Variants in TMEM169 observed in about 807,000 individuals in gnomAD.
The protein encoded by TMEM169 is transmembrane protein 169.
In TMEM169, 18 loss-of-function variants were observed where a neutral mutation model predicts 27.3. The ratio of observed to expected loss-of-function variants is 0.66; its 90% CI spans 0.46 to 0.98. TMEM169 has a LOEUF of 0.98. TMEM169 is among the 50% of genes least tolerant of loss of function. The pLI, the probability that TMEM169 is intolerant of heterozygous loss-of-function variation, is 0.00. For missense variants in TMEM169, 320 were observed against 368.6 expected (o/e 0.87, Z 1.08); for synonymous variants, 136 against 142.1 (o/e 0.96, Z 0.30).
chr2:216,085,882 AAC>A (rs1216613527), intron 1 of TMEM169, among the ~76,000 whole-genome samples: 1 of 151,914 alleles, frequency 6.6e-6, no homozygotes, highest in Non-Finnish European at 1.5e-5. Context: ...AAAAAAAAAA[AAC>A]AAAAACAAAA....
chr2:216,099,843 C>G lies in TMEM169; in HGVS notation c.272-77C>G. The G allele has an allele frequency of 6.5e-7, 1 of 1,536,158 alleles. No homozygotes were observed. Among genetic ancestry groups the G allele is most frequent in the Non-Finnish European group, 8.7e-7 (1 of 1,146,070 alleles). ...AAAAGGCTACTCTTGTCCTCATGCC[C>G]AGCCTGGGAGGGTGCAACATGGAGA... On this transcript the variant is annotated intron_variant, in intron 2 of 2. Transcript: ENST00000437356. The surrounding 1 kb of genome is among the most constrained non-coding windows in gnomAD (Gnocchi z 5.0).
At position 216,096,110 on chromosome 2, in the gene TMEM169, A is replaced by G. The variant is rs748481236; in HGVS notation, c.147A>G (p.Pro49=). Residue 49 remains proline, a synonymous_variant, in exon 2 of 3, where the codon CCA becomes CCG. Transcript: ENST00000437356. ...HRKKKRKESR[P]ESIIIYRSDN... is the part of the protein sequence containing the mutation. ...AAAAGAAGAGGAAAGAGTCACGCCC[A>G]GAATCCATCATCATCTACCGCTCAG... The G allele has an allele frequency of 1.9e-6, 3 of 1,614,222 alleles. No homozygotes were observed. Among genetic ancestry groups the G allele is most frequent in the East Asian group, 4.5e-5 (2 of 44,876 alleles).
chr2:216,091,161 G>A (rs1011955163), intron 1 of TMEM169, among the ~76,000 whole-genome samples: 3 of 152,154 alleles, frequency 2.0e-5, no homozygotes, highest in Non-Finnish European at 4.4e-5. Flanking sequence ...GGTATGGTTT[G>A]TTTTCCCCCC....
intron 1 of TMEM169, among the ~76,000 whole-genome samples, chr2:216,093,349 A>T (rs1228692396): frequency 6.6e-6 from 1 of 152,062 alleles, no homozygotes; most frequent in Non-Finnish European, 1.5e-5. Flanking sequence ...GGAGCTATTT[A>T]CCTTGGGAGG....
At chr2:216,093,801 GA>G (rs34664739) in intron 1 of TMEM169, among the ~76,000 whole-genome samples, 83,179 of 151,372 alleles carry the variant, frequency 0.55, 23,322 homozygotes, top group East Asian at 0.78. Context: ...ATTGAAATGA[GA>G]AAAAAAAATA....
rs936957866 is a variant in TMEM169, at chr2:216,101,698, G to T, written c.*1156G>T. The T allele has an allele frequency of 6.6e-6, 1 of 152,016 alleles. No individual in the cohort carries two copies. Among genetic ancestry groups the T allele is most frequent in the Non-Finnish European group, 1.5e-5 (1 of 68,018 alleles). The allele number at this position is 152,016 out of a possible 1,614,324, so 9.4% of individuals were successfully genotyped here. On this transcript the variant is annotated 3_prime_UTR_variant, in exon 3 of 3. Coordinates refer to ENST00000437356, the MANE Select transcript of TMEM169 (RefSeq NM_001142311.2). ...GGGGTTTCACCATGTGCCCAGGCTG[G>T]TCTTGAACTCCTGACCTCAGGTGAT...
intron 2 of TMEM169, 91 bp downstream of exon 2, chr2:216,096,325 T>A: frequency 7.1e-7 from 1 of 1,403,930 alleles, no homozygotes; most frequent in East Asian, 2.3e-5. Context: ...CACTGTCCTA[T>A]TTCTTCTTGG....
At position 216,099,917 on chromosome 2, in the gene TMEM169, C is replaced by A; in HGVS notation, c.272-3C>A. The A allele has an allele frequency of 6.2e-7, 1 of 1,609,028 alleles. No individual in the cohort carries two copies. The highest frequency in any genetic ancestry group is 1.7e-4 in the Middle Eastern group (1 of 5,928). On this transcript the variant is annotated splice_region_variant and splice_polypyrimidine_tract_variant and intron_variant, in intron 2 of 2. Transcript: ENST00000437356. This position sits in a 1 kb window ranked among gnomAD's most constrained non-coding sequence, Gnocchi z 5.0. ...TGACTCTCACCTCCTTTGTACCCTGCAGATATGTGGAACCTGCCTCTGGAC... is the reference window on the plus strand; with the variant it reads ...TGACTCTCACCTCCTTTGTACCCTGAAGATATGTGGAACCTGCCTCTGGAC...
In TMEM169 at chr2:216,100,305, G is replaced by A. The variant is rs1316671347; in HGVS notation, c.657G>A (p.Met219Ile). Residue 219 changes from methionine to isoleucine, a missense_variant, in exon 3 of 3, where the codon ATG becomes ATA. By Grantham distance (10) the Met-to-Ile change is conservative. Transcript: ENST00000437356. The stretch of plus-strand genomic sequence containing the variant: ...TTCTCTTCTATCCAGTGCTCATCAT[G>A]GCCATGGCTTCTTCCCTCGGCCTCT... ...CLVLFYPVLIMAMASSLGLYA... is the reference protein window; with the variant it reads ...CLVLFYPVLIIAMASSLGLYA... 5 of 1,613,824 alleles carry A rather than the reference G, an allele frequency of 3.1e-6. No individual in the cohort carries two copies.
chr2:216,100,558 C>T lies in TMEM169; in HGVS notation c.*16C>T. 1 of 1,613,926 alleles carries T rather than the reference C, an allele frequency of 6.2e-7. No homozygotes were observed. The highest frequency in any genetic ancestry group is 1.1e-5 in the South Asian group (1 of 91,086). Reference sequence around the variant, plus strand: ...CACGGTCTAAACTCCCAACAACTTACTCCCTCCTCTGGCCCCAGTAGCCTA... The same window carrying T: ...CACGGTCTAAACTCCCAACAACTTATTCCCTCCTCTGGCCCCAGTAGCCTA... On this transcript the variant is annotated 3_prime_UTR_variant, in exon 3 of 3. Coordinates refer to ENST00000437356, the MANE Select transcript of TMEM169 (RefSeq NM_001142311.2).
In TMEM169 at chr2:216,102,425, TA is replaced by T. The variant is rs1358956067; in HGVS notation, c.*1885del. 3.3e-5 allele frequency: 5 copies of T among 152,566 alleles called. No homozygotes were observed. The highest frequency in any genetic ancestry group is 1.2e-4 in the African/African-American group (5 of 41,524). 9.5% of individuals were successfully genotyped at this position (152,566 alleles called of 1,614,324 possible). A position where few individuals can be genotyped will look rare whatever the true frequency, so the allele number is the denominator to read the frequency against. On this transcript the variant is annotated 3_prime_UTR_variant, in exon 3 of 3. Coordinates refer to ENST00000437356, the MANE Select transcript of TMEM169 (RefSeq NM_001142311.2). ...CTTCTAATTTCAAAATATCAACTCC[TA>T]AGAGGTCAGCAGAATTTGGAGATTT... is the stretch of plus-strand genomic sequence containing the variant.
rs1430569105 is a variant in TMEM169, at chr2:216,101,835, C to A, written c.*1293C>A. The stretch of plus-strand genomic sequence containing the variant: ...ATCATTTAAATACATTCAGAACCCC[C>A]AAACTGCTAATATGGTTTTATTTAT... On this transcript the variant is annotated 3_prime_UTR_variant, in exon 3 of 3. Transcript: ENST00000437356. 6.6e-6 allele frequency: 1 copy of A among 152,142 alleles called. No homozygotes were observed. Among genetic ancestry groups the A allele is most frequent in the Non-Finnish European group, 1.5e-5 (1 of 68,036 alleles). 9.4% of individuals were successfully genotyped at this position (152,142 alleles called of 1,614,324 possible). A position where few individuals can be genotyped will look rare whatever the true frequency, so the allele number is the denominator to read the frequency against.
At position 216,101,888 on chromosome 2, in the gene TMEM169, T is replaced by C. The variant is rs1158275492; in HGVS notation, c.*1346T>C. 2 of 152,106 alleles carry C rather than the reference T, an allele frequency of 1.3e-5. No homozygotes were observed. Among genetic ancestry groups the C allele is most frequent in the Admixed American group, 6.5e-5 (1 of 15,276 alleles). 9.4% of individuals were successfully genotyped at this position (152,106 alleles called of 1,614,324 possible). On this transcript the variant is annotated 3_prime_UTR_variant, in exon 3 of 3. Coordinates refer to ENST00000437356, the MANE Select transcript of TMEM169 (RefSeq NM_001142311.2). ...ATTTATTCATTCATTTGTTTATTCATTTATTTATTTAGGCCTGAATCTTAC... is the reference window on the plus strand; with the variant it reads ...ATTTATTCATTCATTTGTTTATTCACTTATTTATTTAGGCCTGAATCTTAC...
rs73056600 is a variant in TMEM169, at chr2:216,100,638, G to A, written c.*96G>A. 0.015 allele frequency: 22,983 copies of A among 1,521,528 alleles called. 2,497 individuals are homozygous for A. The African/African-American group carries it at 0.26, about 17-fold the overall frequency. 94.3% of individuals were successfully genotyped at this position (1,521,528 alleles called of 1,614,324 possible). A position where few individuals can be genotyped will look rare whatever the true frequency, so the allele number is the denominator to read the frequency against. On this transcript the variant is annotated 3_prime_UTR_variant, in exon 3 of 3. Transcript: ENST00000437356. ...TTCTTTAAATTACCCCCTACTCTCC[G>A]CAGTTCTTCTGGGAAATCAGAGTCC... is the stretch of plus-strand genomic sequence containing the variant.
rs1695871157 is a variant in TMEM169, at chr2:216,082,041, C to CCA, written c.-127+62_-127+63insCA. On this transcript the variant is annotated intron_variant, in intron 1 of 2. Coordinates refer to ENST00000437356, the MANE Select transcript of TMEM169 (RefSeq NM_001142311.2). The stretch of plus-strand genomic sequence containing the variant: ...CATTGGGGAGGGTGGAAGGGAAATG[C>CCA]AAAAAAAAAAAAAGAAGAAGAAAGA... The CCA allele has an allele frequency of 1.2e-5, 3 of 249,636 alleles. No individual in the cohort carries two copies. The South Asian group carries it at 1.5e-4, about 12-fold the overall frequency. The allele number at this position is 249,636 out of a possible 1,614,324, so 15.5% of individuals were successfully genotyped here.
intron 1 of TMEM169, among the ~76,000 whole-genome samples, chr2:216,086,947 T>A (rs1344018902): frequency 6.6e-6 from 1 of 152,220 alleles, no homozygotes; most frequent in Non-Finnish European, 1.5e-5. Context: ...TTATGAAGTG[T>A]CAGTCACATA....
At chr2:216,090,004 G>C (rs1013556890) in intron 1 of TMEM169, among the ~76,000 whole-genome samples, 1 of 152,134 alleles carries the variant, frequency 6.6e-6, no homozygotes, top group African/African-American at 2.4e-5. Flanking sequence ...ATCTTTGCAA[G>C]TGACTTGCGC....
chr2:216,085,645 C>T (rs558373314), intron 1 of TMEM169, among the ~76,000 whole-genome samples: 25 of 152,088 alleles, frequency 1.6e-4, no homozygotes, highest in South Asian at 6.2e-4. Context: ...CCAAGGCGGG[C>T]GGATCACCTG....
chr2:216,098,433 G>C (rs1346154453), intron 2 of TMEM169, among the ~76,000 whole-genome samples: 2 of 152,162 alleles, frequency 1.3e-5, no homozygotes, highest in African/African-American at 4.8e-5. Flanking sequence ...CTGGGTGATT[G>C]ACTGGAATGA....
Sources: gnomAD v4.1 joint callset for allele counts (sites outside exome capture counted in the v4.1 genomes callset) on GRCh38, gnomAD v4.1.1 for gene constraint, Gnocchi (gnomAD v3.1) non-coding constraint, MANE v1.5 for transcripts, NCBI Gene and HGNC (gene_info 2026-07-23, HGNC 2026-07-21) for gene names.